The following MYH10 variants were observed in gnomAD, a reference collection of about 807,000 sequenced individuals.
MYH10 encodes the protein myosin heavy chain 10.
Under a neutral mutation model 257.8 loss-of-function variants are expected in MYH10, and 55 were observed. That is an observed-to-expected ratio of 0.21 (90% confidence interval 0.17 to 0.27). MYH10 has a LOEUF of 0.27. Among genes scored for constraint, MYH10 ranks in the 10% least tolerant of loss-of-function variants. MYH10 has a pLI of 1.00. For synonymous variants in MYH10, 854 were observed against 921.7 expected (o/e 0.93, Z 1.33); for missense variants, 1,631 against 2,500.6 (o/e 0.65, Z 7.42).
At chr17:8,549,393 TGAC>T (rs1436547566) in intron 9 of MYH10, among the ~76,000 whole-genome samples, 3 of 152,228 alleles carry the variant, frequency 2.0e-5, no homozygotes, top group Non-Finnish European at 4.4e-5. Flanking sequence ...GTACCCGCAC[TGAC>T]TACTGTACCG....
Position 8,544,428 on chromosome 17 carries a change from G to A in MYH10, c.1431+1020C>T, listed in dbSNP as rs889384728. On this transcript the variant is annotated intron_variant, in intron 13 of 42. Coordinates refer to ENST00000360416, the MANE Select transcript of MYH10 (RefSeq NM_001256012.3). ...TTTTCTTTCACTATATCTTCTGATCGTTTATGTAGAGGAAAGTGACAGATT... is the reference window on the plus strand; with the variant it reads ...TTTTCTTTCACTATATCTTCTGATCATTTATGTAGAGGAAAGTGACAGATT... 1.8e-4 allele frequency among the ~76,000 whole-genome samples: 27 copies of A among 152,122 alleles called. No individual in the cohort carries two copies. In the East Asian group the frequency reaches 1.9e-3, roughly 11 times the overall value.
Position 8,480,149 on chromosome 17 carries a change from T to C in MYH10, c.5558A>G (p.Lys1853Arg). 1 of 1,614,128 alleles carries C rather than the reference T, an allele frequency of 6.2e-7. No individual in the cohort carries two copies. Among genetic ancestry groups the C allele is most frequent in the Non-Finnish European group, 8.5e-7 (1 of 1,180,010 alleles). ...AAGCTGCTCCTCCAGCTGCCCAATC[T>C]TGGCCTCCAGGGCTGAGATGGTGGC... is the stretch of plus-strand genomic sequence containing the variant. ...FKATISALEA[K>R]IGQLEEQLEQ... Residue 1853 changes from lysine to arginine, a missense_variant, in exon 40 of 43, where the codon AAG becomes AGG. Around this residue, in one of 11 missense-constraint regions of MYH10, gnomAD observed 343 missense variants for 389.5 expected, o/e 0.88. Coordinates refer to ENST00000360416, the MANE Select transcript of MYH10 (RefSeq NM_001256012.3).
chr17:8,566,934 C>G (rs2083183444), intron 7 of MYH10, among the ~76,000 whole-genome samples: 1 of 152,108 alleles, frequency 6.6e-6, no homozygotes, highest in Admixed American at 6.5e-5. Flanking sequence ...AGCGGGGCCA[C>G]TGAGCACCAA....
intron 2 of MYH10, among the ~76,000 whole-genome samples, chr17:8,621,006 T>C (rs1041226587): frequency 6.6e-6 from 1 of 152,202 alleles, no homozygotes; most frequent in Non-Finnish European, 1.5e-5. Context: ...GTGGAATGGC[T>C]GCAAAACAAA....
intron 3 of MYH10, among the ~76,000 whole-genome samples, chr17:8,604,503 A>G (rs2084725530): frequency 6.6e-6 from 1 of 152,098 alleles, no homozygotes; most frequent in Non-Finnish European, 1.5e-5. Context: ...TATTCTTCCT[A>G]TTGGTTTTAA....
At chr17:8,613,628 T>G (rs1416985268) in intron 2 of MYH10, among the ~76,000 whole-genome samples, 1 of 152,048 alleles carries the variant, frequency 6.6e-6, no homozygotes, top group African/African-American at 2.4e-5. Context: ...TAATAAAAAT[T>G]ATAACCAACG....
At position 8,475,836 on chromosome 17, in the gene MYH10, C is replaced by T. The variant is rs1597576993; in HGVS notation, c.5992G>A (p.Val1998Ile). Reference sequence around the variant, plus strand: ...GACTGGGGTGGCTGCGTCTCGTTGACATCACTGGTCTTACTTTCTGTGTCA... The same window carrying T: ...GACTGGGGTGGCTGCGTCTCGTTGATATCACTGGTCTTACTTTCTGTGTCA... ...DDDTESKTSD[V>I]NETQPPQSE Residue 1998 changes from valine to isoleucine, a missense_variant, in exon 43 of 43, where the codon GTC becomes ATC. Coordinates refer to ENST00000360416, the MANE Select transcript of MYH10 (RefSeq NM_001256012.3). The T allele has an allele frequency of 2.5e-6, 4 of 1,614,188 alleles. No individual in the cohort carries two copies. The highest frequency in any genetic ancestry group is 3.4e-6 in the Non-Finnish European group (4 of 1,180,026).
intron 37 of MYH10, 31 bp downstream of exon 37, chr17:8,484,107 T>C: frequency 6.9e-7 from 1 of 1,454,646 alleles, no homozygotes; most frequent in South Asian, 1.3e-5. Context: ...CAAATATATT[T>C]GTTGAACAAA....
Position 8,569,612 on chromosome 17 carries a change from T to A in MYH10, c.756+108A>T. 1 of 751,274 alleles carries A rather than the reference T, an allele frequency of 1.3e-6. No individual in the cohort carries two copies. Among genetic ancestry groups the A allele is most frequent in the Non-Finnish European group, 2.1e-6 (1 of 480,410 alleles). 46.5% of individuals were successfully genotyped at this position (751,274 alleles called of 1,614,324 possible). On this transcript the variant is annotated intron_variant, in intron 7 of 42. Transcript: ENST00000360416. The surrounding 1 kb of genome is among the most constrained non-coding windows in gnomAD (Gnocchi z 4.1). Reference sequence around the variant, plus strand: ...TGTATTATGTCTACAGAACTACATCTATTAGCTTCTTAAAATCTAGGAAGA... The same window carrying A: ...TGTATTATGTCTACAGAACTACATCAATTAGCTTCTTAAAATCTAGGAAGA...
chr17:8,571,823 C>T (rs1444559343), intron 6 of MYH10, among the ~76,000 whole-genome samples: 1 of 151,698 alleles, frequency 6.6e-6, no homozygotes, highest in East Asian at 1.9e-4. Context: ...CCTTCCTCCA[C>T]CCCCCCGGGG....
At position 8,546,561 on chromosome 17, in the gene MYH10, C is replaced by A; in HGVS notation, c.1261G>T (p.Ala421Ser). 2 of 1,613,888 alleles carry A rather than the reference C, an allele frequency of 1.2e-6. No individual in the cohort carries two copies. The highest frequency in any genetic ancestry group is 1.7e-6 in the Non-Finnish European group (2 of 1,179,864). ...IKVGRDYVQK[A>S]QTKEQADFAV... ...AAACCTACCTGTTCTTTGGTCTGGGCTTTTTGCACATAGTCTCGGCCGACC... is the reference window on the plus strand; with the variant it reads ...AAACCTACCTGTTCTTTGGTCTGGGATTTTTGCACATAGTCTCGGCCGACC... Residue 421 changes from alanine to serine, a missense_variant, in exon 12 of 43, where the codon GCC (alanine) becomes TCC (serine). Ala to Ser is a moderately conservative substitution (Grantham distance 99). Around this residue, in one of 11 missense-constraint regions of MYH10, gnomAD observed 360 missense variants for 581.9 expected, o/e 0.62. Transcript: ENST00000360416.
rs565778153 is a variant in MYH10 at position 8,585,345 on chromosome 17, T to C, written c.530+3736A>G. 3.6e-4 allele frequency among the ~76,000 whole-genome samples: 51 copies of C among 141,956 alleles called. 1 individual carries two copies. The highest frequency in any genetic ancestry group is 1.3e-3 in the African/African-American group (50 of 38,860). The allele number at this position is 141,956 out of a possible 152,430, so 93.1% of individuals were successfully genotyped here. ...AGTTTGTGAAGTTGACTAAACAGTT[T>C]TTTAATAAGAGAAAAGGCATACAAA... On this transcript the variant is annotated intron_variant, in intron 4 of 42. Coordinates refer to ENST00000360416, the MANE Select transcript of MYH10 (RefSeq NM_001256012.3).
At chr17:8,564,452 C>A (rs886677790) in intron 7 of MYH10, among the ~76,000 whole-genome samples, 1 of 152,208 alleles carries the variant, frequency 6.6e-6, no homozygotes, top group Non-Finnish European at 1.5e-5. Flanking sequence ...AACTGCCTCC[C>A]TCATGTTCTC....
At chr17:8,533,870 T>A (rs1456023507) in intron 16 of MYH10, among the ~76,000 whole-genome samples, 1 of 152,210 alleles carries the variant, frequency 6.6e-6, no homozygotes, top group Non-Finnish European at 1.5e-5. Context: ...CTTTGTAACC[T>A]ACACAGTCTC....
intron 2 of MYH10, among the ~76,000 whole-genome samples, chr17:8,622,114 C>T (rs1354646239): frequency 5.9e-5 from 9 of 152,204 alleles, no homozygotes; most frequent in African/African-American, 1.9e-4. Flanking sequence ...TTTCAAACCA[C>T]GACCATCAAC....
At chr17:8,550,373 G>A (rs1308777258) in intron 9 of MYH10, among the ~76,000 whole-genome samples, 5 of 151,880 alleles carry the variant, frequency 3.3e-5, no homozygotes. Context: ...ACCTCTGCCC[G>A]GCCCCGACCC....
Position 8,499,331 on chromosome 17 carries a change from G to T in MYH10, c.3890C>A (p.Ala1297Asp). ...KLDAQVQELH[A>D]KVSEGDRLRV... is the part of the protein sequence containing the mutation. ...GAGCCTGTCGCCTTCAGAGACCTTG[G>T]CATGGAGCTCCTGGACCTGCGCGTC... The change falls in exon 30 of 43, where the codon GCC becomes GAC. Residue 1297 changes from alanine to aspartate, a missense_variant. This residue lies in a region of MYH10 where 463 missense variants were observed against 621.8 expected (regional missense o/e 0.74). Transcript: ENST00000360416. The T allele has an allele frequency of 6.2e-7, 1 of 1,614,034 alleles. No individual in the cohort carries two copies.
At chr17:8,566,891 C>T (rs774410959) in intron 7 of MYH10, among the ~76,000 whole-genome samples, 42 of 152,124 alleles carry the variant, frequency 2.8e-4, no homozygotes, top group Non-Finnish European at 7.3e-5. Context: ...ACACAAATGA[C>T]GGCTTAGTAG....
Position 8,493,877 on chromosome 17 carries a change from A to G in MYH10, c.4065T>C (p.Leu1355=). 6.3e-7 allele frequency: 1 copy of G among 1,593,844 alleles called. No individual in the cohort carries two copies. The highest frequency in any genetic ancestry group is 8.5e-7 in the Non-Finnish European group (1 of 1,174,082). The change falls in exon 32 of 43, where the codon CTT becomes CTC. Residue 1355 remains leucine (L), a synonymous_variant. Coordinates refer to ENST00000360416, the MANE Select transcript of MYH10 (RefSeq NM_001256012.3). ...TTAGTTTCTGGCGTGTCTCCTCCTG[A>G]AGAAGCTCCTGTGTTTTTTTTTTAA... The part of the protein sequence containing the change: ...ESQLQDTQEL[L]QEETRQKLNL...
Sources: allele counts gnomAD v4.1 joint callset (sites outside exome capture counted in the v4.1 genomes callset), GRCh38; gene constraint gnomAD v4.1.1; regional missense constraint gnomAD v4.1.1; non-coding constraint Gnocchi (gnomAD v3.1); transcripts MANE v1.5; gene names NCBI Gene and HGNC (gene_info 2026-07-23, HGNC 2026-07-21).